The following MACROD2 variants were observed in gnomAD, a reference collection of about 807,000 sequenced individuals.
MACROD2 encodes mono-ADP ribosylhydrolase 2, also known as ADP-ribose glycohydrolase MACROD2.
MACROD2 carries 36 observed loss-of-function variants against 70.4 expected under a neutral mutation model. The ratio of observed to expected loss-of-function variants is 0.51; its 90% CI spans 0.39 to 0.68. The LOEUF is 0.68. Ranked by LOEUF, MACROD2 falls within the 30% of genes least tolerant of loss-of-function variation. The probability of loss-of-function intolerance (pLI) is 0.00; values close to 1 mark genes in which losing one functional copy is unlikely to be tolerated. For synonymous variants in MACROD2, 172 were observed against 178.8 expected (o/e 0.96, Z 0.30); for missense variants, 496 against 538.4 (o/e 0.92, Z 0.78).
chr20:15,251,451 G>T (rs6110560), intron 6 of MACROD2, among the ~76,000 whole-genome samples: 1 of 152,158 alleles, frequency 6.6e-6, no homozygotes, highest in East Asian at 1.9e-4. Context: ...GAGCATTTCA[G>T]GATGAGGAGG....
chr20:15,567,890 A>G (rs751626), intron 8 of MACROD2, among the ~76,000 whole-genome samples: 122,415 of 152,190 alleles, frequency 0.8, 52,978 homozygotes, highest in Non-Finnish European at 0.97. Context: ...GAAGCTGGAA[A>G]TTCAGATTTT....
At chr20:14,018,132 T>G (rs2053019557) in intron 2 of MACROD2, among the ~76,000 whole-genome samples, 3 of 152,204 alleles carry the variant, frequency 2.0e-5, no homozygotes, top group Admixed American at 2.0e-4. Context: ...AGTAATGTCC[T>G]CACTTTAATT....
intron 3 of MACROD2, among the ~76,000 whole-genome samples, chr20:14,362,118 G>A (rs1421303729): frequency 6.6e-6 from 1 of 152,166 alleles, no homozygotes; most frequent in African/African-American, 2.4e-5. Context: ...GTCCTAAGAT[G>A]TTACTCAGGA....
chr20:14,332,819 C>A (rs1352778893), intron 3 of MACROD2, among the ~76,000 whole-genome samples: 1 of 152,032 alleles, frequency 6.6e-6, no homozygotes, highest in Non-Finnish European at 1.5e-5. Context: ...TTTATACAAT[C>A]ATAATTTAGA....
At chr20:14,341,351 A>G (rs893329406) in intron 3 of MACROD2, among the ~76,000 whole-genome samples, 2 of 152,234 alleles carry the variant, frequency 1.3e-5, no homozygotes, top group Non-Finnish European at 2.9e-5. Flanking sequence ...TAAAGAAAAC[A>G]GTTTGGATGG....
chr20:15,143,945 T>A (rs1485504097), intron 5 of MACROD2, among the ~76,000 whole-genome samples: 13 of 131,938 alleles, frequency 9.9e-5, no homozygotes, highest in South Asian at 2.5e-4. Context: ...GCTGATGAGC[T>A]AAAAAAAAAA....
intron 3 of MACROD2, among the ~76,000 whole-genome samples, chr20:14,457,217 A>G (rs1183483167): frequency 6.6e-6 from 1 of 152,102 alleles, no homozygotes; most frequent in Non-Finnish European, 1.5e-5. Flanking sequence ...TTAAAGATTC[A>G]TTAAGTGAGC....
At chr20:14,526,385 C>T (rs1231927321) in intron 4 of MACROD2, among the ~76,000 whole-genome samples, 1 of 152,064 alleles carries the variant, frequency 6.6e-6, no homozygotes, top group African/African-American at 2.4e-5. Flanking sequence ...AATGATCTAT[C>T]AGTTTTGGGG....
intron 5 of MACROD2, among the ~76,000 whole-genome samples, chr20:15,145,638 G>T (rs2076224805): frequency 6.6e-6 from 1 of 152,076 alleles, no homozygotes; most frequent in Non-Finnish European, 1.5e-5. Flanking sequence ...AAAGAAACAA[G>T]TTGGGATGTG....
chr20:15,939,852 G>A (rs968964205), intron 12 of MACROD2, among the ~76,000 whole-genome samples: 2 of 152,036 alleles, frequency 1.3e-5, no homozygotes, highest in Admixed American at 1.3e-4. Context: ...TTTGAAAGAA[G>A]GTGATTCCAA....
At chr20:15,153,420 C>T (rs376282346) in intron 5 of MACROD2, among the ~76,000 whole-genome samples, 353 of 151,850 alleles carry the variant, frequency 2.3e-3, no homozygotes, top group African/African-American at 7.8e-3. Flanking sequence ...ATGTCATCAG[C>T]TAAGGCAGGA....
At chr20:15,676,406 G>T (rs1352660617) in intron 8 of MACROD2, among the ~76,000 whole-genome samples, 1 of 152,168 alleles carries the variant, frequency 6.6e-6, no homozygotes, top group Non-Finnish European at 1.5e-5. Flanking sequence ...AATATCATGG[G>T]CTAAAATTCA....
intron 5 of MACROD2, among the ~76,000 whole-genome samples, chr20:14,786,896 A>G (rs1017638035): frequency 2.0e-5 from 3 of 152,126 alleles, no homozygotes; most frequent in Non-Finnish European, 4.4e-5. Context: ...GCAATGTGGC[A>G]GTATAACAGC....
At chr20:14,661,039 C>G (rs1986200827) in intron 4 of MACROD2, among the ~76,000 whole-genome samples, 1 of 151,898 alleles carries the variant, frequency 6.6e-6, no homozygotes, top group Non-Finnish European at 1.5e-5. Context: ...TTTGGGAGAA[C>G]AATTCATTTT....
intron 5 of MACROD2, among the ~76,000 whole-genome samples, chr20:14,871,267 G>A (rs2073485092): frequency 6.6e-6 from 1 of 152,120 alleles, no homozygotes; most frequent in African/African-American, 2.4e-5. Flanking sequence ...CAGCTAAAGA[G>A]AAAGGTTAGG....
chr20:15,800,505 T>G (rs577647352), intron 8 of MACROD2, among the ~76,000 whole-genome samples: 1 of 152,104 alleles, frequency 6.6e-6, no homozygotes, highest in East Asian at 2.0e-4. Context: ...ATAGGGATAT[T>G]CAGTTTTCCC....
chr20:15,865,014 A>G (rs544031900), intron 9 of MACROD2, among the ~76,000 whole-genome samples: 6 of 152,212 alleles, frequency 3.9e-5, no homozygotes, highest in African/African-American at 1.4e-4. Context: ...TCATAACTAT[A>G]CCATCTTTAA....
At chr20:15,363,660 A>G (rs756748513) in intron 6 of MACROD2, among the ~76,000 whole-genome samples, 2 of 152,326 alleles carry the variant, frequency 1.3e-5, no homozygotes, top group Non-Finnish European at 2.9e-5. Context: ...GACCTGCCTG[A>G]CATGCTCAGA....
At chr20:15,139,528 T>C (rs192476216) in intron 5 of MACROD2, among the ~76,000 whole-genome samples, 107 of 152,250 alleles carry the variant, frequency 7.0e-4, no homozygotes, top group Middle Eastern at 6.8e-3. Flanking sequence ...ACTCTGTAAT[T>C]ATCCTGGCTT....
Sources: allele counts gnomAD v4.1 joint callset (sites outside exome capture counted in the v4.1 genomes callset), GRCh38; gene constraint gnomAD v4.1.1; transcripts MANE v1.5; gene names NCBI Gene and HGNC (gene_info 2026-07-23, HGNC 2026-07-21).